The following RGS7 variants were observed in gnomAD, a reference collection of about 807,000 sequenced individuals.
The protein encoded by RGS7 is regulator of G protein signaling 7, also known as regulator of G-protein signaling 7.
In RGS7, 27 loss-of-function variants were observed where a neutral mutation model predicts 81.1. That is an observed-to-expected ratio of 0.33 (90% CI 0.25 to 0.46). RGS7 has a LOEUF of 0.46. RGS7 is among the 20% of genes least tolerant of loss of function. The pLI is 1.00. For missense variants in RGS7, 396 were observed against 607.4 expected (o/e 0.65, Z 3.66); for synonymous variants, 208 against 207.7 (o/e 1.00, Z -0.01).
At chr1:240,869,215 A>C (rs1451897831) in intron 7 of RGS7, among the ~76,000 whole-genome samples, 1 of 152,210 alleles carries the variant, frequency 6.6e-6, no homozygotes, top group Non-Finnish European at 1.5e-5. Flanking sequence ...ACATCAGTAC[A>C]TTCCTACTAC....
intron 4 of RGS7, among the ~76,000 whole-genome samples, chr1:240,973,855 C>G (rs1683660209): frequency 6.6e-6 from 1 of 152,152 alleles, no homozygotes; most frequent in Non-Finnish European, 1.5e-5. Context: ...GCTGGGATTA[C>G]AGGCGTGAGC....
chr1:241,185,149 A>T (rs2071982169), intron 2 of RGS7, among the ~76,000 whole-genome samples: 1 of 152,210 alleles, frequency 6.6e-6, no homozygotes. Context: ...GAGAACCACT[A>T]GTCAGGTCTA....
In RGS7 at chr1:241,091,674, C is replaced by T. The variant is rs896155661; in HGVS notation, c.175+6992G>A. ...GAAGAGACATGAGGATCTCTTGAGT[C>T]CAGGAGTTTGAGACTAGCCTGGGTA... is the stretch of plus-strand genomic sequence containing the variant. On this transcript the variant is annotated intron_variant, in intron 3 of 18. Transcript: ENST00000440928. Among the ~76,000 whole-genome samples the T allele has an allele frequency of 3.9e-5, 6 of 152,090 alleles. 1 individual carries two copies. The East Asian group carries it at 9.7e-4, about 24-fold the overall frequency.
chr1:241,280,659 G>A (rs980744723), intron 2 of RGS7, among the ~76,000 whole-genome samples: 11 of 152,066 alleles, frequency 7.2e-5, no homozygotes, highest in Admixed American at 6.6e-4. Context: ...CACCATGCTC[G>A]GCTATTTTTG....
intron 3 of RGS7, among the ~76,000 whole-genome samples, chr1:241,034,374 T>C (rs1412058367): frequency 6.6e-6 from 1 of 152,226 alleles, no homozygotes; most frequent in Non-Finnish European, 1.5e-5. Context: ...TATGTTACTG[T>C]TGCCGGAGTA....
chr1:241,234,300 T>C (rs749471791), intron 2 of RGS7, among the ~76,000 whole-genome samples: 13 of 152,086 alleles, frequency 8.5e-5, no homozygotes, highest in Non-Finnish European at 1.5e-4. Context: ...TCCAAAACAA[T>C]AGAACCCCTA....
chr1:240,778,236 T>C (rs1053265258), intron 18 of RGS7, among the ~76,000 whole-genome samples: 6 of 152,254 alleles, frequency 3.9e-5, no homozygotes, highest in African/African-American at 1.4e-4. Context: ...TGGCTCCTGA[T>C]ACCATCACCC....
intron 6 of RGS7, among the ~76,000 whole-genome samples, chr1:240,881,448 A>G (rs192151990): frequency 1.6e-3 from 243 of 152,310 alleles, no homozygotes; most frequent in African/African-American, 5.5e-3. Context: ...ATGTATACAT[A>G]TGAAACAAAC....
chr1:241,069,802 A>G (rs2062320550), intron 3 of RGS7, among the ~76,000 whole-genome samples: 1 of 152,242 alleles, frequency 6.6e-6, no homozygotes, highest in Admixed American at 6.5e-5. Flanking sequence ...AGAAAATTCA[A>G]TTGAAACAAA....
At chr1:241,214,072 T>C (rs1273152302) in intron 2 of RGS7, among the ~76,000 whole-genome samples, 1 of 152,098 alleles carries the variant, frequency 6.6e-6, no homozygotes, top group Non-Finnish European at 1.5e-5. Context: ...GCAAGAAAAA[T>C]AGCCTTTATA....
At position 240,775,721 on chromosome 1, in the gene RGS7, AT is replaced by A; in HGVS notation, c.*498del. 1.9e-4 allele frequency: 33 copies of A among 171,242 alleles called. No individual in the cohort carries two copies. Among genetic ancestry groups the A allele is most frequent in the East Asian group, 1.0e-3 (7 of 6,936 alleles). The allele number at this position is 171,242 out of a possible 1,614,324, so 10.6% of individuals were successfully genotyped here. A position where few individuals can be genotyped will look rare whatever the true frequency, so the allele number is the denominator to read the frequency against. ...TTTCTGACTGTGACACATTGGTGAA[AT>A]GAAACTTTCTGTGCGGAATTTATTG... On this transcript the variant is annotated 3_prime_UTR_variant, in exon 19 of 19. Transcript: ENST00000440928.
At chr1:241,302,573 A>C (rs1234199990) in intron 2 of RGS7, among the ~76,000 whole-genome samples, 3 of 152,054 alleles carry the variant, frequency 2.0e-5, no homozygotes, top group Non-Finnish European at 2.9e-5. Context: ...AACAAACAAA[A>C]AACTTTGGCT....
At chr1:241,177,649 G>A (rs1558158471) in intron 2 of RGS7, among the ~76,000 whole-genome samples, 2 of 152,202 alleles carry the variant, frequency 1.3e-5, no homozygotes, top group African/African-American at 4.8e-5. Context: ...TACTGCAGAA[G>A]TTTAGGTGAA....
At chr1:241,141,190 G>A (rs993334352) in intron 2 of RGS7, among the ~76,000 whole-genome samples, 3 of 152,164 alleles carry the variant, frequency 2.0e-5, no homozygotes, top group Non-Finnish European at 4.4e-5. Flanking sequence ...ATTCTCTACT[G>A]ATTGGGAGAA....
At chr1:240,884,684 G>A (rs752190213) in intron 6 of RGS7, among the ~76,000 whole-genome samples, 5 of 152,106 alleles carry the variant, frequency 3.3e-5, no homozygotes, top group East Asian at 1.9e-4. Flanking sequence ...TAAATGGTGC[G>A]GGATAACTGG....
chr1:241,137,185 T>A (rs148542371), intron 2 of RGS7, among the ~76,000 whole-genome samples: 1 of 152,160 alleles, frequency 6.6e-6, no homozygotes, highest in Admixed American at 6.5e-5. Context: ...TGTTGTACTA[T>A]CAAAGACCGT....
chr1:240,994,971 T>C (rs1482433852), intron 3 of RGS7, among the ~76,000 whole-genome samples: 2 of 152,104 alleles, frequency 1.3e-5, no homozygotes, highest in Non-Finnish European at 2.9e-5. Context: ...CCACAGCACC[T>C]GGCCTAAAGT....
At chr1:241,346,276 G>C (rs2082890755) in intron 2 of RGS7, among the ~76,000 whole-genome samples, 1 of 133,440 alleles carries the variant, frequency 7.5e-6, no homozygotes, top group South Asian at 2.9e-4. Flanking sequence ...CCTATGATGA[G>C]GTGCTTGGCA....
intron 2 of RGS7, among the ~76,000 whole-genome samples, chr1:241,288,642 G>C (rs1306823132): frequency 6.6e-6 from 1 of 152,188 alleles, no homozygotes; most frequent in African/African-American, 2.4e-5. Flanking sequence ...CTGTCTGGAA[G>C]CAAAAGTAAG....
Sources: allele counts gnomAD v4.1 joint callset (sites outside exome capture counted in the v4.1 genomes callset), GRCh38; gene constraint gnomAD v4.1.1; transcripts MANE v1.5; gene names NCBI Gene and HGNC (gene_info 2026-07-23, HGNC 2026-07-21).